Variants in OSMR observed in about 807,000 individuals in gnomAD.
The protein encoded by OSMR is oncostatin M receptor.
A neutral mutation model predicts 99.9 loss-of-function variants in OSMR; 81 were observed. That is an observed-to-expected ratio of 0.81 (90% CI 0.68 to 0.97). OSMR has a LOEUF of 0.97. OSMR is among the 50% of genes least tolerant of loss of function. The pLI is 0.00. For synonymous variants in OSMR, 406 were observed against 410.4 expected (o/e 0.99, Z 0.13); for missense variants, 1,099 against 1,153.4 (o/e 0.95, Z 0.68).
chr5:38,919,505 C>T (rs1746124784), intron 11 of OSMR: 2 of 425,872 alleles, frequency 4.7e-6, no homozygotes, highest in Non-Finnish European at 7.9e-6. Flanking sequence ...CTGGCATCAA[C>T]TTTCACCACA....
chr5:38,862,425 C>T (rs1317661953), intron 1 of OSMR, among the ~76,000 whole-genome samples: 3 of 148,996 alleles, frequency 2.0e-5, no homozygotes, highest in Non-Finnish European at 4.5e-5. Flanking sequence ...GGGGCTGACC[C>T]CCCCACCTCC....
chr5:38,873,992 C>T (rs1742605954), intron 2 of OSMR, among the ~76,000 whole-genome samples: 1 of 151,978 alleles, frequency 6.6e-6, no homozygotes, highest in African/African-American at 2.4e-5. Flanking sequence ...TGACACCCAG[C>T]TACTTGTTGT....
rs775575505 is a variant in OSMR, at chr5:38,933,533, A to C, written c.*89A>C. The C allele has an allele frequency of 7.7e-6, 11 of 1,427,778 alleles. No individual in the cohort carries two copies. Among genetic ancestry groups the C allele is most frequent in the Non-Finnish European group, 1.1e-5 (11 of 1,018,786 alleles). The allele number at this position is 1,427,778 out of a possible 1,614,324, so 88.4% of individuals were successfully genotyped here. On this transcript the variant is annotated 3_prime_UTR_variant, in exon 18 of 18. Transcript: ENST00000274276. ...TCATCACCAGTGGCCTTGGTCCTTA[A>C]TCCCAGTACGATTTGCAGGTCTGGT...
At chr5:38,894,900 T>C (rs180723585) in intron 7 of OSMR, among the ~76,000 whole-genome samples, 1 of 151,972 alleles carries the variant, frequency 6.6e-6, no homozygotes, top group African/African-American at 2.4e-5. Flanking sequence ...AACCACAGAA[T>C]ATACATTCTT....
downstream of OSMR, chr5:38,940,516 C>T: frequency 4.3e-6 from 1 of 232,578 alleles, no homozygotes; most frequent in Non-Finnish European, 8.5e-6. Flanking sequence ...GTACTGTTGA[C>T]ATTTAAATAA....
intron 7 of OSMR, among the ~76,000 whole-genome samples, chr5:38,900,377 A>G (rs1036560648): frequency 6.6e-6 from 1 of 152,220 alleles, no homozygotes; most frequent in Non-Finnish European, 1.5e-5. Context: ...TGTCAAAGCC[A>G]GGTACTGTGA....
intron 7 of OSMR, among the ~76,000 whole-genome samples, chr5:38,892,945 C>T (rs541900786): frequency 2.9e-4 from 44 of 152,260 alleles, no homozygotes; most frequent in Non-Finnish European, 5.0e-4. Flanking sequence ...TGCTTGTGCT[C>T]ACCATTGGGG....
intron 16 of OSMR, 133 bp downstream of exon 16, chr5:38,932,097 G>A (rs77784432): frequency 1.2e-5 from 9 of 740,808 alleles, no homozygotes; most frequent in African/African-American, 8.8e-5. Flanking sequence ...GGAGGCTGGG[G>A]TGAGAGTATG....
intron 2 of OSMR, chr5:38,944,490 C>T: frequency 6.2e-7 from 1 of 1,612,240 alleles, no homozygotes. Flanking sequence ...CTGAACTACT[C>T]AAATTAATGA....
chr5:38,944,936 G>A, intron 2 of OSMR: 1 of 1,613,896 alleles, frequency 6.2e-7, no homozygotes, highest in Non-Finnish European at 8.5e-7. Flanking sequence ...TGTGCTTTTG[G>A]TGCTGCTAGC....
Position 38,933,339 on chromosome 5 carries a change from T to A in OSMR, c.2835T>A (p.Tyr945Ter), listed in dbSNP as rs770821616. The A allele has an allele frequency of 7.4e-6, 12 of 1,614,058 alleles. No individual in the cohort carries two copies. The highest frequency in any genetic ancestry group is 1.6e-4 in the Middle Eastern group (1 of 6,084). The change falls in exon 18 of 18, where the codon TAT becomes TAA. Residue 945 changes from tyrosine to a stop codon, truncating the protein, a stop_gained. Transcript: ENST00000274276. LOFTEE classifies it low-confidence loss of function (END_TRUNC). ...NPVEAPHCSE[Y>*]KMQMAVSLRL... ...TAGAGGCACCACACTGTTCAGAGTATAAAATGCAAATGGCAGTCTCCCTGC... is the reference window on the plus strand; with the variant it reads ...TAGAGGCACCACACTGTTCAGAGTAAAAAATGCAAATGGCAGTCTCCCTGC...
chr5:38,862,092 T>G (rs1259801871), intron 1 of OSMR, among the ~76,000 whole-genome samples: 4 of 10,322 alleles, frequency 3.9e-4, no homozygotes, highest in East Asian at 4.5e-3. Flanking sequence ...GCTGGCCGGG[T>G]GGGGGGCTGA....
intron 1 of OSMR, among the ~76,000 whole-genome samples, chr5:38,868,545 C>T (rs1742122452): frequency 6.6e-6 from 1 of 152,170 alleles, no homozygotes; most frequent in Non-Finnish European, 1.5e-5. Context: ...CAAGGTTTTC[C>T]ACTTTTGCCT....
chr5:38,871,096 A>G (rs59145833), intron 2 of OSMR, among the ~76,000 whole-genome samples: 5 of 152,354 alleles, frequency 3.3e-5, no homozygotes, highest in African/African-American at 1.2e-4. Context: ...TAATAAAACA[A>G]TAGTAACTCA....
At chr5:38,861,915 G>C (rs1034956063) in intron 1 of OSMR, among the ~76,000 whole-genome samples, 1 of 138,916 alleles carries the variant, frequency 7.2e-6, no homozygotes, top group Non-Finnish European at 1.6e-5. Context: ...GGCTGGCCGG[G>C]CGGGGGGCTG....
downstream of OSMR, chr5:38,945,232 T>C (rs771409990): frequency 6.8e-5 from 43 of 632,452 alleles, no homozygotes; most frequent in Non-Finnish European, 9.7e-5. Flanking sequence ...TGAAAATAAC[T>C]ACAGCATGCA....
chr5:38,945,174 T>C, downstream of OSMR: 1 of 833,386 alleles, frequency 1.2e-6, no homozygotes, highest in Non-Finnish European at 1.8e-6. Context: ...CTTCTCTAAT[T>C]GTATGCAATA....
At position 38,925,321 on chromosome 5, in the gene OSMR, G is replaced by C. The variant is rs1157767567; in HGVS notation, c.2162G>C (p.Gly721Ala). ...EFFITPFTSA[G>A]EGPSATFTKV... ...TTCATCACTCCATTCACTAGTGCTG[G>C]TGAAGGCCCCAGTGCTACGTTCACG... Residue 721 changes from glycine (G) to alanine (A), a missense_variant, in exon 15 of 18, where the codon GGT (glycine) becomes GCT (alanine). Physicochemically the swap from Gly to Ala is moderately conservative, Grantham distance 60. Coordinates refer to ENST00000274276, the MANE Select transcript of OSMR (RefSeq NM_003999.3). 6.2e-7 allele frequency: 1 copy of C among 1,614,120 alleles called. No homozygotes were observed. Among genetic ancestry groups the C allele is most frequent in the Non-Finnish European group, 8.5e-7 (1 of 1,179,996 alleles).
chr5:38,892,140 C>T (rs1275579342), intron 7 of OSMR, among the ~76,000 whole-genome samples: 1 of 152,132 alleles, frequency 6.6e-6, no homozygotes, highest in Non-Finnish European at 1.5e-5. Flanking sequence ...GAAGCAGGAG[C>T]ATGTCATGCA....
Sources: gnomAD v4.1 joint callset for allele counts (sites outside exome capture counted in the v4.1 genomes callset) on GRCh38, gnomAD v4.1.1 for gene constraint, MANE v1.5 for transcripts, NCBI Gene and HGNC (gene_info 2026-07-23, HGNC 2026-07-21) for gene names.